ADAMTS20: variants seen among roughly 807,000 people sequenced by gnomAD.
ADAMTS20 encodes ADAM metallopeptidase with thrombospondin type 1 motif 20.
ADAMTS20 carries 225 observed loss-of-function variants against 260.1 expected under a neutral mutation model. The observed-to-expected ratio is 0.87, with a 90% CI of 0.78 to 0.97. The LOEUF (loss-of-function observed/expected upper bound fraction) is 0.97. ADAMTS20 is among the 50% of genes least tolerant of loss of function. ADAMTS20 has a pLI of 0.00. For synonymous variants in ADAMTS20, 802 were observed against 769.5 expected, an observed-to-expected ratio of 1.04 and a Z score of -0.70; for missense variants, 2,400 against 2,337.7, an observed-to-expected ratio of 1.03 and a Z score of -0.55.
intron 4 of ADAMTS20, among the ~76,000 whole-genome samples, 191 bp from the exon 5 acceptor site, chr12:43,493,444 T>C (rs373951224): frequency 8.5e-5 from 13 of 152,272 alleles, no homozygotes; most frequent in African/African-American, 3.1e-4. Context: ...ATCTGCAGGA[T>C]TGAGACTCAG....
chr12:43,413,981 C>G (rs1941081069), intron 28 of ADAMTS20, among the ~76,000 whole-genome samples: 2 of 152,120 alleles, frequency 1.3e-5, no homozygotes, highest in Non-Finnish European at 2.9e-5. Flanking sequence ...AATAAAAACT[C>G]TCTTATGTCC....
chr12:43,389,760 C>T lies in ADAMTS20; in HGVS notation c.4453-5783G>A, dbSNP rs985809087. On this transcript the variant is annotated intron_variant, in intron 29 of 38. Transcript: ENST00000389420. ...ACAAGGATGGACTTTCCTCCACTGT[C>T]CAATAACATGATAACATGTTATGAT... Among the ~76,000 whole-genome samples the T allele has an allele frequency of 4.6e-5, 7 of 152,208 alleles. No individual in the cohort carries two copies. The East Asian group carries it at 1.4e-3, about 29-fold the overall frequency.
intron 31 of ADAMTS20, among the ~76,000 whole-genome samples, chr12:43,380,217 A>G (rs79434510): frequency 0.052 from 7,888 of 152,230 alleles, 681 homozygotes; most frequent in African/African-American, 0.18. Context: ...GATGTAGACT[A>G]AACATTTGAC....
chr12:43,405,190 T>C (rs540357691), intron 28 of ADAMTS20, among the ~76,000 whole-genome samples: 1 of 127,740 alleles, frequency 7.8e-6, no homozygotes, highest in Admixed American at 1.0e-4. Context: ...ACCCAGGAGT[T>C]TGAGATCAGC....
chr12:43,395,808 T>C (rs999400990), intron 29 of ADAMTS20, among the ~76,000 whole-genome samples: 5 of 150,588 alleles, frequency 3.3e-5, no homozygotes, highest in Admixed American at 6.7e-5. Flanking sequence ...TAATTAAGAA[T>C]GCACTGGTGA....
chr12:43,384,507 G>T (rs370077768), intron 29 of ADAMTS20, among the ~76,000 whole-genome samples: 9 of 151,872 alleles, frequency 5.9e-5, no homozygotes, highest in Non-Finnish European at 1.5e-5. Flanking sequence ...AGAACATGCC[G>T]CTTTGTTACG....
At chr12:43,374,406 G>A (rs1204094570) in intron 36 of ADAMTS20, among the ~76,000 whole-genome samples, 2 of 151,896 alleles carry the variant, frequency 1.3e-5, no homozygotes, top group Non-Finnish European at 2.9e-5. Context: ...GCACTTTTTT[G>A]CCTCTTCATG....
At position 43,446,795 on chromosome 12, in the gene ADAMTS20, T is replaced by G. The variant is rs138067554; in HGVS notation, c.2080-83A>C. 3.2e-4 allele frequency: 359 copies of G among 1,138,842 alleles called. 1 individual carries two copies. The African/African-American group carries it at 5.0e-3, about 16-fold the overall frequency. 70.5% of individuals were successfully genotyped at this position (1,138,842 alleles called of 1,614,324 possible). A position where few individuals can be genotyped will look rare whatever the true frequency, so the allele number is the denominator to read the frequency against. ...GAAGATCCAAATACATACAATCAGA[T>G]ATGACAAAGGGGATTTACCACTGAC... is the stretch of plus-strand genomic sequence containing the variant. On this transcript the variant is annotated intron_variant, in intron 14 of 38. Transcript: ENST00000389420.
chr12:43,548,825 A>C (rs2137533968), intron 2 of ADAMTS20, among the ~76,000 whole-genome samples: 1 of 152,256 alleles, frequency 6.6e-6, no homozygotes, highest in South Asian at 2.1e-4. Context: ...AATACAGAGA[A>C]ATTATGTAAA....
chr12:43,477,053 TAAA>T (rs75788250), intron 7 of ADAMTS20, among the ~76,000 whole-genome samples: 6 of 118,092 alleles, frequency 5.1e-5, no homozygotes, highest in Non-Finnish European at 9.2e-5. Flanking sequence ...GACCTCTAAA[TAAA>T]AAAAAAAAAA....
At position 43,520,943 on chromosome 12, in the gene ADAMTS20, T is replaced by G. The variant is rs1592108263; in HGVS notation, c.613+11093A>C. 2.0e-5 allele frequency among the ~76,000 whole-genome samples: 3 copies of G among 152,344 alleles called. 1 individual carries two copies. The East Asian group carries it at 5.8e-4, about 29-fold the overall frequency. On this transcript the variant is annotated intron_variant, in intron 3 of 38. Coordinates refer to ENST00000389420, the MANE Select transcript of ADAMTS20 (RefSeq NM_025003.5). ...TAAAAAAAGAATCTAGATTTTCATCTTCTTCGTAAAGTACAAAAGATCTGG... is the reference window on the plus strand; with the variant it reads ...TAAAAAAAGAATCTAGATTTTCATCGTCTTCGTAAAGTACAAAAGATCTGG...
At chr12:43,508,940 T>C (rs958079394) in intron 3 of ADAMTS20, among the ~76,000 whole-genome samples, 7 of 152,114 alleles carry the variant, frequency 4.6e-5, no homozygotes, top group Non-Finnish European at 7.4e-5. Context: ...TGTGTGTTTT[T>C]CCCCTCCCTG....
At chr12:43,525,725 TATATC>T (rs1943132517) in intron 3 of ADAMTS20, among the ~76,000 whole-genome samples, 1 of 152,236 alleles carries the variant, frequency 6.6e-6, no homozygotes, top group African/African-American at 2.4e-5. Flanking sequence ...TAGTCAGTCT[TATATC>T]AGATAAAACA....
chr12:43,466,715 C>T lies in ADAMTS20; in HGVS notation c.1304G>A (p.Ser435Asn), dbSNP rs1555131136. ...CCAGCTCCAAGGACTCATGTGAAAA[C>T]TTAAAGCAGGGGCCATTACATGATA... Reference protein sequence around the residue: ...TKYHVMAPALSFHMSPWSWSN... With the variant: ...TKYHVMAPALNFHMSPWSWSN... Residue 435 changes from serine to asparagine, a missense_variant, in exon 9 of 39, where the codon AGT becomes AAT. Coordinates refer to ENST00000389420, the MANE Select transcript of ADAMTS20 (RefSeq NM_025003.5). The T allele has an allele frequency of 3.1e-6, 5 of 1,611,880 alleles. No homozygotes were observed. Among genetic ancestry groups the T allele is most frequent in the Admixed American group, 1.7e-5 (1 of 59,922 alleles).
intron 29 of ADAMTS20, among the ~76,000 whole-genome samples, chr12:43,393,613 G>T (rs1026684073): frequency 2.6e-5 from 4 of 151,872 alleles, no homozygotes; most frequent in African/African-American, 9.7e-5. Context: ...TATTTAAAAT[G>T]AAAATAGGGA....
At chr12:43,380,549 C>A (rs917165843) in intron 31 of ADAMTS20, among the ~76,000 whole-genome samples, 2 of 152,090 alleles carry the variant, frequency 1.3e-5, no homozygotes, top group African/African-American at 4.8e-5. Context: ...TTAATCCACA[C>A]ACTAAATAAT....
At chr12:43,406,851 G>A (rs186553407) in intron 28 of ADAMTS20, among the ~76,000 whole-genome samples, 185 of 152,102 alleles carry the variant, frequency 1.2e-3, no homozygotes, top group East Asian at 5.4e-3. Flanking sequence ...TAATAGAGTA[G>A]TAGGATATAT....
At chr12:43,516,509 G>A (rs556120754) in intron 3 of ADAMTS20, among the ~76,000 whole-genome samples, 80 of 152,132 alleles carry the variant, frequency 5.3e-4, no homozygotes, top group Non-Finnish European at 1.0e-3. Flanking sequence ...GGAGCTACAG[G>A]GCTGATTAGT....
At chr12:43,538,183 T>C (rs1449432111) in intron 2 of ADAMTS20, among the ~76,000 whole-genome samples, 2 of 152,244 alleles carry the variant, frequency 1.3e-5, no homozygotes, top group Non-Finnish European at 2.9e-5. Flanking sequence ...GCATTTGTTA[T>C]TGCCTGTTTT....
Sources: allele counts gnomAD v4.1 joint callset (sites outside exome capture counted in the v4.1 genomes callset), GRCh38; gene constraint gnomAD v4.1.1; transcripts MANE v1.5; gene names NCBI Gene and HGNC (gene_info 2026-07-23, HGNC 2026-07-21).